The following PATE1 variants were observed in gnomAD, a reference collection of about 807,000 sequenced individuals.
PATE1 encodes the protein prostate and testis expressed 1.
Under a neutral mutation model 13.1 loss-of-function variants are expected in PATE1, and 21 were observed. The observed-to-expected ratio is 1.61, with a 90% confidence interval of 1.14 to 2.31. The LOEUF (loss-of-function observed/expected upper bound fraction) is 2.31, where lower values mean the gene tolerates loss of function less well. PATE1 is among the 30% of genes most tolerant of loss of function. The pLI, the probability that PATE1 is intolerant of heterozygous loss-of-function variation, is 0.00. For missense variants in PATE1, 166 were observed against 147.2 expected (o/e 1.13, Z -0.66); for synonymous variants, 52 against 47.1 (o/e 1.10, Z -0.43).
rs536759315 is a variant in PATE1, at chr11:125,748,864, C to G, written c.*131C>G. ...AGAAGAGGATTGCAAACACATGGCTCCATCTTCTGCACACGAAAGGAAAGT... is the reference window on the plus strand; with the variant it reads ...AGAAGAGGATTGCAAACACATGGCTGCATCTTCTGCACACGAAAGGAAAGT... On this transcript the variant is annotated 3_prime_UTR_variant, in exon 5 of 5. Transcript: ENST00000305738. The G allele has an allele frequency of 1.7e-6, 2 of 1,156,574 alleles. No individual in the cohort carries two copies. The highest frequency in any genetic ancestry group is 3.1e-5 in the African/African-American group (2 of 64,340). 71.6% of individuals were successfully genotyped at this position (1,156,574 alleles called of 1,614,324 possible). A position where few individuals can be genotyped will look rare whatever the true frequency, so the allele number is the denominator to read the frequency against.
rs773591433 is a variant in PATE1 at position 125,746,356 on chromosome 11, G to T, written c.52G>T (p.Ala18Ser). Residue 18 changes from alanine to serine, a missense_variant and splice_region_variant, in exon 1 of 5, where the codon GCA becomes TCA. By Grantham distance (99) the Ala-to-Ser change is moderately conservative (BLOSUM62 1). Coordinates refer to ENST00000305738, the MANE Select transcript of PATE1 (RefSeq NM_138294.3). ...ELPILLCCFR[A>S]LSGSLSMRND... ...CCCCATCCTGCTCTGCTGCTTTAGG[G>T]GTGAGTCCCTAGGGTTGACAGCTGG... 1 of 1,613,738 alleles carries T rather than the reference G, an allele frequency of 6.2e-7. No homozygotes were observed. Among genetic ancestry groups the T allele is most frequent in the South Asian group, 1.1e-5 (1 of 91,068 alleles).
At chr11:125,748,017 AC>A in intron 4 of PATE1, 195 bp downstream of exon 4, 2 of 713,428 alleles carry the variant, frequency 2.8e-6, no homozygotes, top group Non-Finnish European at 4.4e-6. Flanking sequence ...GTGGGGGCCT[AC>A]AGCTAAGGGA....
rs1943284936 is a variant in PATE1, at chr11:125,747,619, C to A, written c.125-81C>A. ...GCAAAGCCCTGTGGCTCTAGGCAGA[C>A]TTCTAACCCAAAAGGGGAGAGGGGT... is the stretch of plus-strand genomic sequence containing the variant. On this transcript the variant is annotated intron_variant, in intron 3 of 4. Transcript: ENST00000305738. 3 of 1,583,202 alleles carry A rather than the reference C, an allele frequency of 1.9e-6. No homozygotes were observed. In the Admixed American group the frequency reaches 5.0e-5, roughly 27 times the overall value.
chr11:125,749,862 C>A lies in PATE1; in HGVS notation c.*1129C>A, dbSNP rs1591457440. 1 of 151,832 alleles carries A rather than the reference C, an allele frequency of 6.6e-6. No homozygotes were observed. The highest frequency in any genetic ancestry group is 6.6e-5 in the Admixed American group (1 of 15,222). 9.4% of individuals were successfully genotyped at this position (151,832 alleles called of 1,614,324 possible). A position where few individuals can be genotyped will look rare whatever the true frequency, so the allele number is the denominator to read the frequency against. Reference sequence around the variant, plus strand: ...TAAAGAAAGCTACCTTTCTTCTATACCCAAATTGTGTGTCCTTCTTTCTCT... The same window carrying A: ...TAAAGAAAGCTACCTTTCTTCTATAACCAAATTGTGTGTCCTTCTTTCTCT... On this transcript the variant is annotated 3_prime_UTR_variant, in exon 5 of 5. Transcript: ENST00000305738.
At chr11:125,748,475 C>T (rs10790747) in intron 4 of PATE1, 125 bp from the exon 5 acceptor site, 567,973 of 1,178,786 alleles carry the variant, frequency 0.48, 139,513 homozygotes, top group African/African-American at 0.69. Context: ...CAGTTCTTTA[C>T]ATTTGAATAA....
Position 125,746,565 on chromosome 11 carries a change from G to T in PATE1, c.53-96G>T, listed in dbSNP as rs112676537. Reference sequence around the variant, plus strand: ...CTTCCTTTATGGGGGGAAATAGGTAGATTAGAGAGGAATTGAGTGGATGTT... The same window carrying T: ...CTTCCTTTATGGGGGGAAATAGGTATATTAGAGAGGAATTGAGTGGATGTT... On this transcript the variant is annotated intron_variant, in intron 1 of 4. Coordinates refer to ENST00000305738, the MANE Select transcript of PATE1 (RefSeq NM_138294.3). 28 of 1,482,552 alleles carry T rather than the reference G, an allele frequency of 1.9e-5. No individual in the cohort carries two copies. In the African/African-American group the frequency reaches 2.2e-4, roughly 12 times the overall value. 91.8% of individuals were successfully genotyped at this position (1,482,552 alleles called of 1,614,324 possible).
Position 125,748,628 on chromosome 11 carries a change from G to A in PATE1, c.276G>A (p.Met92Ile). The A allele has an allele frequency of 6.2e-7, 1 of 1,613,828 alleles. No homozygotes were observed. Among genetic ancestry groups the A allele is most frequent in the Non-Finnish European group, 8.5e-7 (1 of 1,179,858 alleles). Reference protein sequence around the residue: ...KRDGNPWLTFMGCLKNCADVK... With the variant: ...KRDGNPWLTFIGCLKNCADVK... Reference sequence around the variant, plus strand: ...ATGGTAATCCCTGGTTAACCTTCATGGGCTGCCTAAAGAACTGTGCTGATG... The same window carrying A: ...ATGGTAATCCCTGGTTAACCTTCATAGGCTGCCTAAAGAACTGTGCTGATG... The change falls in exon 5 of 5, where the codon ATG becomes ATA. Residue 92 changes from methionine (M) to isoleucine (I), a missense_variant. Coordinates refer to ENST00000305738, the MANE Select transcript of PATE1 (RefSeq NM_138294.3).
At position 125,748,027 on chromosome 11, in the gene PATE1, G is replaced by T. The variant is rs993965737; in HGVS notation, c.247+205G>T. ...GGAGGGTGGGGGCCTACAGCTAAGG[G>T]ATTAGCATTTTGAGAAGCCTGAAGA... On this transcript the variant is annotated intron_variant, in intron 4 of 4. Transcript: ENST00000305738. The T allele has an allele frequency of 6.0e-6, 4 of 669,820 alleles. No homozygotes were observed. The Admixed American group carries it at 9.2e-5, about 15-fold the overall frequency. The allele number at this position is 669,820 out of a possible 1,614,324, so 41.5% of individuals were successfully genotyped here.
At chr11:125,746,813 C>A in intron 2 of PATE1, 117 bp downstream of exon 2, 1 of 1,021,386 alleles carries the variant, frequency 9.8e-7, no homozygotes, top group Non-Finnish European at 1.5e-6. Context: ...ACCTTGAGTT[C>A]CAACACGCAA....
rs766261541 is a variant in PATE1, at chr11:125,747,381, G to C, written c.94G>C (p.Glu32Gln). 1 of 1,612,130 alleles carries C rather than the reference G, an allele frequency of 6.2e-7. No individual in the cohort carries two copies. Among genetic ancestry groups the C allele is most frequent in the Non-Finnish European group, 8.5e-7 (1 of 1,179,566 alleles). Residue 32 changes from glutamate (E) to glutamine (Q), a missense_variant, in exon 3 of 5, where the codon GAA (glutamate) becomes CAA (glutamine). By Grantham distance (29) the Glu-to-Gln change is conservative. Transcript: ENST00000305738. ...SLSMRNDAVN[E>Q]IVAVKNNFPV... ...TCTTTCTCTTGCCAGTACAGTCAAT[G>C]AAATAGTTGCTGTGAAAAACAATTT... is the stretch of plus-strand genomic sequence containing the variant.
intron 2 of PATE1, among the ~76,000 whole-genome samples, chr11:125,747,170 G>T (rs1191111449): frequency 6.6e-6 from 1 of 152,160 alleles, no homozygotes; most frequent in Non-Finnish European, 1.5e-5. Context: ...AATCTGAGAA[G>T]CCCCGAAGAG....
chr11:125,747,654 G>A, intron 3 of PATE1, 46 bp from the exon 4 acceptor site: 1 of 1,608,042 alleles, frequency 6.2e-7, no homozygotes, highest in African/African-American at 1.3e-5. Flanking sequence ...TTCTTTCCTG[G>A]TAGTGCCATC....
Position 125,747,357 on chromosome 11 carries a change from CT to C in PATE1, c.89-16del. On this transcript the variant is annotated intron_variant, in intron 2 of 4. Transcript: ENST00000305738. The stretch of plus-strand genomic sequence containing the variant: ...CTCAGGCACATTTCAGATGTGTTTT[CT>C]TTCTCTTGCCAGTACAGTCAATGAA... The C allele has an allele frequency of 6.2e-7, 1 of 1,609,340 alleles. No individual in the cohort carries two copies. The highest frequency in any genetic ancestry group is 8.5e-7 in the Non-Finnish European group (1 of 1,179,134).
chr11:125,746,445 T>A (rs1943272587), intron 1 of PATE1, 89 bp downstream of exon 1: 1 of 1,452,268 alleles, frequency 6.9e-7, no homozygotes, highest in Non-Finnish European at 9.6e-7. Flanking sequence ...ATGGGAGTCC[T>A]ATGGCAACTG....
Position 125,746,676 on chromosome 11 carries a change from T to A in PATE1, c.68T>A (p.Leu23His). 2 of 1,613,762 alleles carry A rather than the reference T, an allele frequency of 1.2e-6. No individual in the cohort carries two copies. Among genetic ancestry groups the A allele is most frequent in the Non-Finnish European group, 1.7e-6 (2 of 1,179,822 alleles). ...LCCFRALSGS[L>H]SMRNDAVNEI... Reference sequence around the variant, plus strand: ...TTTCCAACAGCATTATCTGGATCACTTTCAATGAGAAATGATGCAGGTGAG... The same window carrying A: ...TTTCCAACAGCATTATCTGGATCACATTCAATGAGAAATGATGCAGGTGAG... Residue 23 changes from leucine to histidine, a missense_variant, in exon 2 of 5, where the codon CTT becomes CAT. Leu to His is a moderately conservative substitution (Grantham distance 99, BLOSUM62 -3). Transcript: ENST00000305738.
intron 1 of PATE1, 152 bp from the exon 2 acceptor site, chr11:125,746,509 G>A: frequency 3.1e-6 from 4 of 1,278,872 alleles, no homozygotes; most frequent in South Asian, 1.3e-5. Context: ...GGTATGTCAT[G>A]TCCCCAGGAC....
At chr11:125,746,444 C>A in intron 1 of PATE1, 88 bp downstream of exon 1, 1 of 1,450,934 alleles carries the variant, frequency 6.9e-7, no homozygotes. Flanking sequence ...CATGGGAGTC[C>A]TATGGCAACT....
In PATE1 at chr11:125,747,192, TAGA is replaced by T. The variant is rs141336130; in HGVS notation, c.89-181_89-179del. Among the ~76,000 whole-genome samples, 4 of 152,184 alleles carry T rather than the reference TAGA, an allele frequency of 2.6e-5. No homozygotes were observed. In the East Asian group the frequency reaches 7.7e-4, roughly 29 times the overall value. The stretch of plus-strand genomic sequence containing the variant: ...GAAGCCCCGAAGAGGTGAAGAGATT[TAGA>T]AGGAGAGAAGAGGTGCAGAGATGCC... On this transcript the variant is annotated intron_variant, in intron 2 of 4. Coordinates refer to ENST00000305738, the MANE Select transcript of PATE1 (RefSeq NM_138294.3).
Position 125,748,820 on chromosome 11 carries a change from A to G in PATE1, c.*87A>G. ...AATGACTTTCTAAAAAAAATCACAC[A>G]CACACACACACACACTACAGAAGAG... On this transcript the variant is annotated 3_prime_UTR_variant, in exon 5 of 5. Transcript: ENST00000305738. 7 of 1,409,612 alleles carry G rather than the reference A, an allele frequency of 5.0e-6. No individual in the cohort carries two copies. The highest frequency in any genetic ancestry group is 5.8e-6 in the Non-Finnish European group (6 of 1,032,014). The allele number at this position is 1,409,612 out of a possible 1,614,324, so 87.3% of individuals were successfully genotyped here.
Sources: gnomAD v4.1 joint callset for allele counts (sites outside exome capture counted in the v4.1 genomes callset) on GRCh38, gnomAD v4.1.1 for gene constraint, MANE v1.5 for transcripts, NCBI Gene and HGNC (gene_info 2026-07-23, HGNC 2026-07-21) for gene names.